CSMD1: variants seen among roughly 807,000 people sequenced by gnomAD.
The protein encoded by CSMD1 is CUB and Sushi multiple domains 1.
A neutral mutation model predicts 417.5 loss-of-function variants in CSMD1; 213 were observed. That is an observed-to-expected ratio of 0.51 (90% confidence interval 0.46 to 0.57). The LOEUF (loss-of-function observed/expected upper bound fraction) is 0.57. CSMD1 is among the 20% of genes least tolerant of loss of function. CSMD1 has a pLI of 0.00. For missense variants in CSMD1, 6,923 were observed against 4,529.7 expected, an observed-to-expected ratio of 1.53 and a Z score of -15.17; for synonymous variants, 2,862 against 1,736.8, an observed-to-expected ratio of 1.65 and a Z score of -16.11.
chr8:4,746,821 A>G (rs990735264), intron 1 of CSMD1, among the ~76,000 whole-genome samples: 1 of 152,226 alleles, frequency 6.6e-6, no homozygotes, highest in Non-Finnish European at 1.5e-5. Flanking sequence ...GTTCTCTCTC[A>G]GAGAAAAATA....
At chr8:4,253,774 A>G (rs1315390227) in intron 3 of CSMD1, among the ~76,000 whole-genome samples, 1 of 151,856 alleles carries the variant, frequency 6.6e-6, no homozygotes, top group Non-Finnish European at 1.5e-5. Flanking sequence ...AAAACAGCTG[A>G]TGAAAATTTT....
chr8:3,054,640 CGTGT>C (rs375303545), intron 49 of CSMD1, among the ~76,000 whole-genome samples: 3 of 151,574 alleles, frequency 2.0e-5, no homozygotes, highest in Admixed American at 1.3e-4. Context: ...AAAACACATG[CGTGT>C]GTGTGTGTGC....
intron 10 of CSMD1, among the ~76,000 whole-genome samples, chr8:3,512,707 C>G (rs969084991): frequency 8.6e-5 from 13 of 150,558 alleles, no homozygotes; most frequent in African/African-American, 3.2e-4. Context: ...CTCCTGGGTT[C>G]AAGCAATTCT....
chr8:4,584,122 C>A (rs909242101), intron 2 of CSMD1, among the ~76,000 whole-genome samples: 2 of 151,928 alleles, frequency 1.3e-5, no homozygotes, highest in African/African-American at 2.4e-5. Context: ...TGAACACATC[C>A]GAACGTCAGA....
chr8:3,701,922 G>C (rs1258055057), intron 7 of CSMD1, among the ~76,000 whole-genome samples: 1 of 152,108 alleles, frequency 6.6e-6, no homozygotes, highest in Non-Finnish European at 1.5e-5. Flanking sequence ...TTCATTAACT[G>C]AACTGTCTCT....
intron 1 of CSMD1, among the ~76,000 whole-genome samples, chr8:4,836,455 C>T (rs1038884159): frequency 7.9e-5 from 12 of 152,148 alleles, no homozygotes; most frequent in African/African-American, 2.9e-4. Flanking sequence ...TCCTTAAGTG[C>T]TGTTCCATAG....
Position 4,026,342 on chromosome 8 carries a change from T to C in CSMD1, c.610+5563A>G, listed in dbSNP as rs533233500. Among the ~76,000 whole-genome samples, 4 of 152,316 alleles carry C rather than the reference T, an allele frequency of 2.6e-5. No homozygotes were observed. In the South Asian group the frequency reaches 6.2e-4, roughly 24 times the overall value. On this transcript the variant is annotated intron_variant, in intron 4 of 69. Transcript: ENST00000635120. ...TAAATGTAAATGTAATAATCTATAATACAGAAGAACAAAGTTTCCTGTGAT... is the reference window on the plus strand; with the variant it reads ...TAAATGTAAATGTAATAATCTATAACACAGAAGAACAAAGTTTCCTGTGAT...
chr8:4,191,765 G>A (rs913672056), intron 3 of CSMD1, among the ~76,000 whole-genome samples: 1 of 149,316 alleles, frequency 6.7e-6, no homozygotes, highest in Non-Finnish European at 1.5e-5. Context: ...AAAAAAAATG[G>A]TGGTTCAGTT....
intron 8 of CSMD1, among the ~76,000 whole-genome samples, chr8:3,600,348 T>C (rs547926295): frequency 1.3e-4 from 20 of 152,330 alleles, no homozygotes; most frequent in African/African-American, 4.8e-4. Context: ...TTATTACCTT[T>C]AGATCCTAGT....
intron 8 of CSMD1, among the ~76,000 whole-genome samples, chr8:3,599,125 C>CTGTGTGTG (rs143211609): frequency 4.8e-5 from 7 of 144,506 alleles, no homozygotes; most frequent in African/African-American, 1.8e-4. Flanking sequence ...TTGCTTACTG[C>CTGTGTGTG]TGTGTGTGTG....
intron 1 of CSMD1, among the ~76,000 whole-genome samples, chr8:4,641,571 G>C (rs576555060): frequency 2.0e-5 from 3 of 152,266 alleles, no homozygotes; most frequent in Admixed American, 6.5e-5. Context: ...AAGTGAAAAT[G>C]AAGTAAGTTG....
At chr8:4,464,139 T>C (rs1287030780) in intron 2 of CSMD1, among the ~76,000 whole-genome samples, 2 of 146,808 alleles carry the variant, frequency 1.4e-5, no homozygotes, top group African/African-American at 5.2e-5. Flanking sequence ...CGAAGGCTTA[T>C]CCCTCCAGCT....
At chr8:3,693,991 G>T (rs572620521) in intron 7 of CSMD1, among the ~76,000 whole-genome samples, 77 of 151,546 alleles carry the variant, frequency 5.1e-4, no homozygotes, top group African/African-American at 1.8e-3. Context: ...TGTTGTTAGT[G>T]TGTGTGTGTT....
At chr8:4,455,200 CTCTT>C (rs75704919) in intron 2 of CSMD1, among the ~76,000 whole-genome samples, 16,634 of 152,148 alleles carry the variant, frequency 0.11, 1,097 homozygotes, top group South Asian at 0.22. Flanking sequence ...AGCTATGACT[CTCTT>C]TATCTTACTC....
intron 10 of CSMD1, 112 bp from the exon 11 acceptor site, chr8:3,493,838 G>C (rs924376899): frequency 2.7e-6 from 2 of 739,340 alleles, no homozygotes; most frequent in East Asian, 5.6e-5. Flanking sequence ...TAATGCCAAT[G>C]TCAAATGATC....
In CSMD1 at chr8:3,110,344, G is replaced by C. The variant is rs1266481513; in HGVS notation, c.6431-9C>G. 1 of 1,585,196 alleles carries C rather than the reference G, an allele frequency of 6.3e-7. No individual in the cohort carries two copies. The highest frequency in any genetic ancestry group is 8.6e-7 in the Non-Finnish European group (1 of 1,166,590). The stretch of plus-strand genomic sequence containing the variant: ...GTTGTACCCACAAGGGGCTGCAAAG[G>C]AAACCAAGAAAAAACAAGCGCCATA... On this transcript the variant is annotated splice_polypyrimidine_tract_variant and intron_variant, in intron 42 of 69. Transcript: ENST00000635120.
intron 26 of CSMD1, among the ~76,000 whole-genome samples, chr8:3,268,287 C>CTTTT (rs1172040830): frequency 0.094 from 10,538 of 112,068 alleles, 1,071 homozygotes; most frequent in Non-Finnish European, 0.11. Context: ...GGTTCATTTC[C>CTTTT]TATTTTTTTT....
chr8:3,153,551 G>C (rs1163420864), intron 39 of CSMD1, among the ~76,000 whole-genome samples: 2 of 152,150 alleles, frequency 1.3e-5, no homozygotes, highest in African/African-American at 4.8e-5. Flanking sequence ...GACAAAAAAA[G>C]GAAAACAACA....
intron 41 of CSMD1, among the ~76,000 whole-genome samples, chr8:3,131,441 G>C (rs1817787587): frequency 6.6e-6 from 1 of 150,908 alleles, no homozygotes; most frequent in Non-Finnish European, 1.5e-5. Flanking sequence ...CTATGATTTG[G>C]TGACAAAGTC....
Sources: allele counts gnomAD v4.1 joint callset (sites outside exome capture counted in the v4.1 genomes callset), GRCh38; gene constraint gnomAD v4.1.1; transcripts MANE v1.5; gene names NCBI Gene and HGNC (gene_info 2026-07-23, HGNC 2026-07-21).